Variants in LOC128092252 observed in about 807,000 individuals in gnomAD.
At chr15:50,665,196 C>T in the LOC128092252 span, among the ~76,000 whole-genome samples, 22,339 of 151,732 alleles carry the variant, frequency 0.15, 2,214 homozygotes, top group Admixed American at 0.28. Context: ...GCCAGGAGTT[C>T]GAGACCAGCC....
chr15:50,668,411 G>A, the LOC128092252 span, among the ~76,000 whole-genome samples: 3 of 152,180 alleles, frequency 2.0e-5, no homozygotes, highest in Non-Finnish European at 4.4e-5. Flanking sequence ...GTATACTCCT[G>A]TGGACAAAAT....
the LOC128092252 span, among the ~76,000 whole-genome samples, chr15:50,654,642 G>C: frequency 6.6e-6 from 1 of 151,252 alleles, no homozygotes; most frequent in Non-Finnish European, 1.5e-5. Context: ...CAGTAAAATG[G>C]AAACTATAAC....
chr15:50,681,506 C>T, the LOC128092252 span, among the ~76,000 whole-genome samples: 1 of 152,192 alleles, frequency 6.6e-6, no homozygotes, highest in Non-Finnish European at 1.5e-5. Flanking sequence ...GTCCTCCTAA[C>T]AGTAATAGTC....
the LOC128092252 span, among the ~76,000 whole-genome samples, chr15:50,656,945 C>T: frequency 6.6e-6 from 1 of 152,208 alleles, no homozygotes; most frequent in East Asian, 1.9e-4. Context: ...TTCAGGTTCT[C>T]ATCTTTTTGC....
At chr15:50,673,040 TAA>T in the LOC128092252 span, among the ~76,000 whole-genome samples, 2 of 148,740 alleles carry the variant, frequency 1.3e-5, no homozygotes, top group African/African-American at 5.2e-5. Context: ...TCTGTTAAAT[TAA>T]AAAGTTACAG....
At chr15:50,664,567 A>G in the LOC128092252 span, among the ~76,000 whole-genome samples, 1 of 152,178 alleles carries the variant, frequency 6.6e-6, no homozygotes, top group Non-Finnish European at 1.5e-5. Context: ...TAACCAAATA[A>G]AAGTTTCAAA....
the LOC128092252 span, among the ~76,000 whole-genome samples, chr15:50,655,864 C>T: frequency 6.6e-6 from 1 of 151,854 alleles, no homozygotes; most frequent in African/African-American, 2.4e-5. Flanking sequence ...GTGGTGTGTG[C>T]CTGTAATCCC....
the LOC128092252 span, among the ~76,000 whole-genome samples, chr15:50,680,300 G>A: frequency 0.35 from 53,012 of 152,016 alleles, 10,463 homozygotes; most frequent in Admixed American, 0.48. Context: ...CAGTACTTTA[G>A]GAGGCCAAGG....
the LOC128092252 span, among the ~76,000 whole-genome samples, chr15:50,684,261 T>C: frequency 6.6e-6 from 1 of 151,582 alleles, no homozygotes; most frequent in East Asian, 2.0e-4. Flanking sequence ...CAAGCGATTC[T>C]CCTGCCTTAG....
the LOC128092252 span, chr15:50,648,898 G>A: frequency 1.9e-6 from 3 of 1,583,596 alleles, no homozygotes; most frequent in Non-Finnish European, 2.6e-6. Flanking sequence ...AAAAGAAAAA[G>A]GTGAGATTAA....
At chr15:50,663,135 T>C in the LOC128092252 span, 1 of 891,102 alleles carries the variant, frequency 1.1e-6, no homozygotes, top group Non-Finnish European at 1.7e-6. Context: ...AAACAGTTCT[T>C]TTTTTTTTTT....
the LOC128092252 span, among the ~76,000 whole-genome samples, chr15:50,680,990 T>C: frequency 6.6e-6 from 1 of 152,102 alleles, no homozygotes; most frequent in South Asian, 2.1e-4. Flanking sequence ...AGGTGGCTCA[T>C]GCCTGTAATC....
At chr15:50,655,329 T>C in the LOC128092252 span, among the ~76,000 whole-genome samples, 1 of 148,782 alleles carries the variant, frequency 6.7e-6, no homozygotes, top group Non-Finnish European at 1.5e-5. Context: ...GCTACTCAGA[T>C]GGCTGAGGCA....
chr15:50,672,638 G>A, the LOC128092252 span, among the ~76,000 whole-genome samples: 4 of 151,646 alleles, frequency 2.6e-5, no homozygotes, highest in Non-Finnish European at 5.9e-5. Context: ...AGCCAGGTGC[G>A]GTGGCTCACG....
the LOC128092252 span, among the ~76,000 whole-genome samples, chr15:50,653,916 G>A: frequency 3.9e-5 from 6 of 152,042 alleles, no homozygotes; most frequent in East Asian, 1.9e-4. Context: ...TTAGTTCAGC[G>A]TGAAAAGACA....
chr15:50,673,181 C>T, the LOC128092252 span, among the ~76,000 whole-genome samples: 1 of 152,174 alleles, frequency 6.6e-6, no homozygotes. Context: ...TCACCACTCA[C>T]TCACTGACTC....
chr15:50,665,806 C>T, the LOC128092252 span, among the ~76,000 whole-genome samples: 4 of 152,010 alleles, frequency 2.6e-5, no homozygotes, highest in East Asian at 1.9e-4. Context: ...ACCAGCCTGA[C>T]CAACATGGTG....
the LOC128092252 span, among the ~76,000 whole-genome samples, chr15:50,685,563 G>A: frequency 1.3e-5 from 2 of 152,192 alleles, no homozygotes; most frequent in East Asian, 3.8e-4. Context: ...TTTTAGTTTT[G>A]TATGGCACTT....
the LOC128092252 span, among the ~76,000 whole-genome samples, chr15:50,678,517 A>AAAAATATAT: frequency 7.5e-6 from 1 of 132,720 alleles, no homozygotes; most frequent in African/African-American, 2.8e-5. Context: ...AAAAAAAAAA[A>AAAAATATAT]ATATATATAT....
Sources: gnomAD v4.1 joint callset for allele counts (sites outside exome capture counted in the v4.1 genomes callset) on GRCh38, gnomAD v4.1.1 for gene constraint, MANE v1.5 for transcripts.